The following NRXN3 variants were observed in gnomAD, a reference collection of about 807,000 sequenced individuals.
NRXN3 encodes neurexin 3.
NRXN3 carries 32 observed loss-of-function variants against 137.6 expected under a neutral mutation model. The observed-to-expected ratio is 0.23, with a 90% CI of 0.18 to 0.31. The LOEUF is 0.31. Ranked by LOEUF, NRXN3 falls within the 10% of genes least tolerant of loss-of-function variation. NRXN3 has a pLI of 1.00. For synonymous variants in NRXN3, 798 were observed against 784.5 expected (o/e 1.02, Z -0.29); for missense variants, 1,574 against 2,062.5 (o/e 0.76, Z 4.59).
At chr14:78,752,956 A>G (rs1348379870) in intron 8 of NRXN3, among the ~76,000 whole-genome samples, 1 of 152,208 alleles carries the variant, frequency 6.6e-6, no homozygotes, top group Non-Finnish European at 1.5e-5. Context: ...TTGACTCAGC[A>G]TTGGCCCACG....
intron 4 of NRXN3, among the ~76,000 whole-genome samples, chr14:78,325,320 T>A (rs1254615355): frequency 6.6e-6 from 1 of 151,992 alleles, no homozygotes; most frequent in African/African-American, 2.4e-5. Context: ...CCTTCCTCTC[T>A]CTTCAGTGTG....
intron 15 of NRXN3, among the ~76,000 whole-genome samples, chr14:79,296,335 G>A (rs189158318): frequency 1.5e-3 from 225 of 152,068 alleles, no homozygotes; most frequent in African/African-American, 5.1e-3. Flanking sequence ...AGGGGAAGAT[G>A]TCACAACCAA....
intron 10 of NRXN3, among the ~76,000 whole-genome samples, chr14:78,849,889 C>T (rs536079501): frequency 4.6e-5 from 7 of 151,992 alleles, no homozygotes; most frequent in South Asian, 2.1e-4. Context: ...TAATTATTTG[C>T]GAAGGAAAGG....
At chr14:78,391,760 A>G (rs1003722122) in intron 4 of NRXN3, among the ~76,000 whole-genome samples, 18 of 152,124 alleles carry the variant, frequency 1.2e-4, no homozygotes, top group Admixed American at 1.1e-3. Context: ...AGTCATATAT[A>G]TTTTCTCATA....
At chr14:78,578,757 G>A (rs2096961986) in intron 4 of NRXN3, among the ~76,000 whole-genome samples, 1 of 152,072 alleles carries the variant, frequency 6.6e-6, no homozygotes, top group African/African-American at 2.4e-5. Flanking sequence ...GTGAGACTTT[G>A]CGGATCACAG....
chr14:78,547,938 C>G (rs1451878716), intron 4 of NRXN3, among the ~76,000 whole-genome samples: 1 of 152,060 alleles, frequency 6.6e-6, no homozygotes, highest in Non-Finnish European at 1.5e-5. Flanking sequence ...ATTATTAATA[C>G]AGTTCAGGTA....
At chr14:78,771,014 T>G (rs2098725956) in intron 8 of NRXN3, among the ~76,000 whole-genome samples, 1 of 152,218 alleles carries the variant, frequency 6.6e-6, no homozygotes, top group Non-Finnish European at 1.5e-5. Context: ...AGAAGTCTCC[T>G]GTGGTTCCAT....
intron 15 of NRXN3, among the ~76,000 whole-genome samples, chr14:79,386,762 C>A (rs1387191774): frequency 6.6e-6 from 1 of 152,090 alleles, no homozygotes; most frequent in Non-Finnish European, 1.5e-5. Context: ...AGATATAGAT[C>A]AATGGAACAG....
chr14:79,718,556 A>G (rs1193873667), intron 19 of NRXN3, among the ~76,000 whole-genome samples: 2 of 152,170 alleles, frequency 1.3e-5, no homozygotes, highest in African/African-American at 4.8e-5. Context: ...ATACATGGCT[A>G]TTGCTTTAAT....
intron 15 of NRXN3, among the ~76,000 whole-genome samples, chr14:79,171,075 A>G (rs1444077217): frequency 6.6e-6 from 1 of 152,106 alleles, no homozygotes; most frequent in African/African-American, 2.4e-5. Context: ...AGTAGGAACA[A>G]CCAACCTACT....
intron 20 of NRXN3, among the ~76,000 whole-genome samples, chr14:79,829,422 G>T (rs2099316066): frequency 6.6e-6 from 1 of 152,154 alleles, no homozygotes; most frequent in South Asian, 2.1e-4. Context: ...CCCATGCATG[G>T]TCACTCTCTG....
intron 14 of NRXN3, among the ~76,000 whole-genome samples, chr14:78,973,464 C>T (rs997910697): frequency 6.6e-6 from 1 of 152,076 alleles, no homozygotes; most frequent in Admixed American, 6.5e-5. Flanking sequence ...ATTTGGGAGA[C>T]ACTAATGTCA....
Position 79,227,786 on chromosome 14 carries a change from C to A in NRXN3, c.3263-239435C>A, listed in dbSNP as rs568615793. ...CCTTCCTTCCTTCCTTCCTTCCTTC[C>A]CTCCTCCCTTCCTCCCTTCCTCCCT... On this transcript the variant is annotated intron_variant, in intron 15 of 20. Coordinates refer to ENST00000335750, the MANE Select transcript of NRXN3 (RefSeq NM_001330195.2). Among the ~76,000 whole-genome samples, 186 of 84,170 alleles carry A rather than the reference C, an allele frequency of 2.2e-3. 1 individual carries two copies. Among genetic ancestry groups the A allele is most frequent in the Non-Finnish European group, 3.7e-3 (149 of 40,092 alleles). 55.2% of individuals were successfully genotyped at this position (84,170 alleles called of 152,430 possible).
chr14:79,211,937 T>G (rs182007205), intron 15 of NRXN3, among the ~76,000 whole-genome samples: 12 of 152,324 alleles, frequency 7.9e-5, no homozygotes, highest in Admixed American at 7.8e-4. Flanking sequence ...ATTAAAACAC[T>G]TGAGGCTGGA....
intron 16 of NRXN3, among the ~76,000 whole-genome samples, chr14:79,513,156 A>T (rs1463675073): frequency 6.6e-6 from 1 of 152,218 alleles, no homozygotes; most frequent in Non-Finnish European, 1.5e-5. Flanking sequence ...GTAATTCATA[A>T]ACTGTGTTTT....
intron 10 of NRXN3, among the ~76,000 whole-genome samples, chr14:78,871,506 G>A (rs1306593333): frequency 6.6e-6 from 1 of 152,050 alleles, no homozygotes; most frequent in South Asian, 2.1e-4. Flanking sequence ...TAAGTCTTTA[G>A]TGTACGAATT....
At chr14:79,316,620 C>A (rs1384572742) in intron 15 of NRXN3, among the ~76,000 whole-genome samples, 1 of 152,002 alleles carries the variant, frequency 6.6e-6, no homozygotes, top group Non-Finnish European at 1.5e-5. Flanking sequence ...GGGTGCATGC[C>A]AGTTGACAAC....
intron 16 of NRXN3, among the ~76,000 whole-genome samples, chr14:79,516,614 G>A (rs1435551139): frequency 6.6e-6 from 1 of 152,050 alleles, no homozygotes; most frequent in Non-Finnish European, 1.5e-5. Flanking sequence ...AATTAATGCT[G>A]CCTCTCATTT....
At chr14:79,203,466 C>T (rs1024773371) in intron 15 of NRXN3, among the ~76,000 whole-genome samples, 9 of 152,094 alleles carry the variant, frequency 5.9e-5, no homozygotes, top group South Asian at 2.1e-4. Flanking sequence ...TAAATCCCTG[C>T]GGCACACCCC....
Sources: allele counts gnomAD v4.1 joint callset (sites outside exome capture counted in the v4.1 genomes callset), GRCh38; gene constraint gnomAD v4.1.1; transcripts MANE v1.5; gene names NCBI Gene and HGNC (gene_info 2026-07-23, HGNC 2026-07-21).